BFSP2: variants seen among roughly 807,000 people sequenced by gnomAD.
BFSP2 encodes the protein beaded filament structural protein 2, also known as phakinin.
A neutral mutation model predicts 44.9 loss-of-function variants in BFSP2; 38 were observed. The ratio of observed to expected loss-of-function variants is 0.85; its 90% CI spans 0.65 to 1.11. The LOEUF is 1.11. BFSP2 is among the 50% of genes least tolerant of loss of function. The probability of loss-of-function intolerance (pLI) is 0.00; values close to 1 mark genes in which losing one functional copy is unlikely to be tolerated. For synonymous variants in BFSP2, 197 were observed against 209.9 expected (o/e 0.94, Z 0.53); for missense variants, 525 against 533.0 (o/e 0.99, Z 0.15).
chr3:133,411,275 C>T (rs2073451236), intron 1 of BFSP2, among the ~76,000 whole-genome samples: 1 of 150,474 alleles, frequency 6.6e-6, no homozygotes, highest in Admixed American at 6.6e-5. Context: ...GAAAATAAAG[C>T]ATTTTCCTGC....
intron 1 of BFSP2, among the ~76,000 whole-genome samples, chr3:133,415,351 T>TCTACTCACCCCTGCCCTCTCCCCC (rs778560398): frequency 2.0e-3 from 52 of 26,000 alleles, no homozygotes; most frequent in Admixed American, 3.4e-3. Context: ...TCCTCTCCCC[T>TCTACTCACCCCTGCCCTCTCCCCC]CTACTCACCC....
At chr3:133,426,039 G>A (rs894708062) in intron 1 of BFSP2, among the ~76,000 whole-genome samples, 1 of 146,748 alleles carries the variant, frequency 6.8e-6, no homozygotes, top group South Asian at 2.3e-4. Flanking sequence ...GAAGGGAAGG[G>A]AAAAAGCTCT....
chr3:133,440,661 A>G (rs115023461), intron 1 of BFSP2, among the ~76,000 whole-genome samples: 3,445 of 152,276 alleles, frequency 0.023, 60 homozygotes, highest in Middle Eastern at 0.041. Flanking sequence ...AGAGGCTTCC[A>G]GGGAAAGAGG....
chr3:133,416,516 C>T lies in BFSP2; in HGVS notation c.489+15944C>T, dbSNP rs541282810. ...CTGTCCTGTGTCTGCCCTCTACTGA[C>T]CCCTGTTCTCTCCCCTCTACTCATC... On this transcript the variant is annotated intron_variant, in intron 1 of 6. Transcript: ENST00000302334. 1.3e-4 allele frequency among the ~76,000 whole-genome samples: 19 copies of T among 146,396 alleles called. 1 individual carries two copies. Among genetic ancestry groups the T allele is most frequent in the Admixed American group, 3.4e-4 (5 of 14,776 alleles).
chr3:133,427,797 A>G (rs1350745278), intron 1 of BFSP2, among the ~76,000 whole-genome samples: 1 of 152,226 alleles, frequency 6.6e-6, no homozygotes, highest in Non-Finnish European at 1.5e-5. Flanking sequence ...GGTAAAGCAT[A>G]TCTATCCCTT....
intron 1 of BFSP2, among the ~76,000 whole-genome samples, chr3:133,408,539 CA>C (rs1282094386): frequency 6.6e-6 from 1 of 152,194 alleles, no homozygotes; most frequent in Non-Finnish European, 1.5e-5. Flanking sequence ...GACACACTGG[CA>C]AAAATATGAA....
intron 4 of BFSP2, among the ~76,000 whole-genome samples, chr3:133,463,267 C>CCAT (rs2074080649): frequency 6.6e-6 from 1 of 152,112 alleles, no homozygotes; most frequent in Non-Finnish European, 1.5e-5. Context: ...TGAGATCGCA[C>CCAT]CATCGCACTC....
chr3:133,468,469 T>C (rs57382106), intron 5 of BFSP2, among the ~76,000 whole-genome samples: 14,004 of 152,258 alleles, frequency 0.092, 2,071 homozygotes, highest in African/African-American at 0.31. Flanking sequence ...CTCTGTATCA[T>C]GTGGCCTCTG....
Position 133,400,704 on chromosome 3 carries a change from G to A in BFSP2, c.489+132G>A. 7.1e-7 allele frequency: 1 copy of A among 1,403,116 alleles called. No homozygotes were observed. The highest frequency in any genetic ancestry group is 9.6e-7 in the Non-Finnish European group (1 of 1,036,386). 86.9% of individuals were successfully genotyped at this position (1,403,116 alleles called of 1,614,324 possible). ...CCCCTACACTTTCACACTTAAAATGGTAATGATAACAACAATGCTACCTTT... is the reference window on the plus strand; with the variant it reads ...CCCCTACACTTTCACACTTAAAATGATAATGATAACAACAATGCTACCTTT... On this transcript the variant is annotated intron_variant, in intron 1 of 6. Transcript: ENST00000302334. This position sits in a 1 kb window ranked among gnomAD's most constrained non-coding sequence, Gnocchi z 4.0.
At chr3:133,435,851 A>C (rs1184679130) in intron 1 of BFSP2, among the ~76,000 whole-genome samples, 2 of 152,126 alleles carry the variant, frequency 1.3e-5, no homozygotes, top group Non-Finnish European at 2.9e-5. Context: ...TGTCCCCATA[A>C]ACTTTTCATA....
chr3:133,412,930 C>G (rs2073470569), intron 1 of BFSP2, among the ~76,000 whole-genome samples: 1 of 152,196 alleles, frequency 6.6e-6, no homozygotes. Flanking sequence ...GAGAAGAGAA[C>G]CAGGATGCTG....
intron 1 of BFSP2, among the ~76,000 whole-genome samples, chr3:133,408,506 T>G (rs898972058): frequency 6.6e-6 from 1 of 152,246 alleles, no homozygotes; most frequent in African/African-American, 2.4e-5. Flanking sequence ...CCAGCAGTCC[T>G]GTTTCTAGGA....
intron 4 of BFSP2, among the ~76,000 whole-genome samples, chr3:133,450,763 C>G (rs773918447): frequency 1.3e-5 from 2 of 151,970 alleles, no homozygotes; most frequent in African/African-American, 2.4e-5. Context: ...TAATATGCAC[C>G]AAGAGTGTTA....
chr3:133,412,953 C>G (rs993699399), intron 1 of BFSP2, among the ~76,000 whole-genome samples: 2 of 152,186 alleles, frequency 1.3e-5, no homozygotes, highest in African/African-American at 4.8e-5. Context: ...TAGATACTGA[C>G]GTGGAGCTGG....
chr3:133,414,877 CTCTACT>C (rs2073499289), intron 1 of BFSP2, among the ~76,000 whole-genome samples: 1 of 129,284 alleles, frequency 7.7e-6, no homozygotes, highest in African/African-American at 3.3e-5. Flanking sequence ...GCCCTCTCCC[CTCTACT>C]CATCCCTGTC....
intron 4 of BFSP2, among the ~76,000 whole-genome samples, chr3:133,460,262 G>A (rs996524947): frequency 6.6e-6 from 1 of 152,138 alleles, no homozygotes; most frequent in African/African-American, 2.4e-5. Flanking sequence ...TATAGAGGAG[G>A]AAACTGAAGC....
At chr3:133,441,066 T>A (rs911200039) in intron 1 of BFSP2, among the ~76,000 whole-genome samples, 7 of 133,606 alleles carry the variant, frequency 5.2e-5, no homozygotes. Flanking sequence ...TTTGAGGGAG[T>A]TTTGCTCTTG....
chr3:133,449,915 G>T (rs914722262), intron 3 of BFSP2, among the ~76,000 whole-genome samples: 2 of 149,120 alleles, frequency 1.3e-5, no homozygotes, highest in Non-Finnish European at 3.0e-5. Flanking sequence ...AGGAAGGAGA[G>T]AGAGAGAGGA....
intron 1 of BFSP2, among the ~76,000 whole-genome samples, chr3:133,424,878 G>C (rs780352691): frequency 6.6e-6 from 1 of 152,044 alleles, no homozygotes; most frequent in African/African-American, 2.4e-5. Flanking sequence ...CAGGTGATCC[G>C]CTAGGCTCAG....
Sources: gnomAD v4.1 joint callset for allele counts (sites outside exome capture counted in the v4.1 genomes callset) on GRCh38, gnomAD v4.1.1 for gene constraint, Gnocchi (gnomAD v3.1) non-coding constraint, MANE v1.5 for transcripts, NCBI Gene and HGNC (gene_info 2026-07-23, HGNC 2026-07-21) for gene names.